Variants in KMT2C observed in about 807,000 individuals in gnomAD.
KMT2C encodes the protein lysine methyltransferase 2C.
KMT2C carries 88 observed loss-of-function variants against 507.9 expected under a neutral mutation model. That is an observed-to-expected ratio of 0.17 (90% CI 0.15 to 0.21). The LOEUF (loss-of-function observed/expected upper bound fraction) is 0.21. Among genes scored for constraint, KMT2C ranks in the 10% least tolerant of loss-of-function variants. The pLI, the probability that KMT2C is intolerant of heterozygous loss-of-function variation, is 1.00. For synonymous variants in KMT2C, 2,049 were observed against 2,080.8 expected (o/e 0.98, Z 0.42); for missense variants, 4,954 against 5,957.8 (o/e 0.83, Z 5.55).
At chr7:152,418,422 G>T (rs2097758776) in intron 1 of KMT2C, among the ~76,000 whole-genome samples, 1 of 151,870 alleles carries the variant, frequency 6.6e-6, no homozygotes, top group African/African-American at 2.4e-5. Flanking sequence ...ATTATAGTGT[G>T]GTTACTCAGT....
At chr7:152,186,616 G>T (rs549941338) in intron 33 of KMT2C, among the ~76,000 whole-genome samples, 1 of 152,240 alleles carries the variant, frequency 6.6e-6, no homozygotes, top group South Asian at 2.1e-4. Flanking sequence ...TTAAGAGTTT[G>T]TGTATTGATA....
intron 1 of KMT2C, among the ~76,000 whole-genome samples, chr7:152,404,375 C>T (rs2097593218): frequency 9.4e-5 from 14 of 149,340 alleles, no homozygotes; most frequent in African/African-American, 3.4e-4. Flanking sequence ...TGGCTGACGC[C>T]TGTAATCACA....
intron 1 of KMT2C, among the ~76,000 whole-genome samples, chr7:152,395,340 C>G (rs1589710325): frequency 6.6e-6 from 1 of 151,834 alleles, no homozygotes; most frequent in Middle Eastern, 3.4e-3. Flanking sequence ...CGTGGCCGCA[C>G]ACCTGGCTTT....
At chr7:152,398,165 T>C (rs1451425042) in intron 1 of KMT2C, among the ~76,000 whole-genome samples, 3 of 152,196 alleles carry the variant, frequency 2.0e-5, no homozygotes, top group African/African-American at 4.8e-5. Context: ...TTGAGACTAA[T>C]TACGAGAAAT....
chr7:152,192,770 G>T (rs763689424), intron 31 of KMT2C, among the ~76,000 whole-genome samples: 4 of 152,142 alleles, frequency 2.6e-5, no homozygotes, highest in Non-Finnish European at 5.9e-5. Flanking sequence ...CACACACTTT[G>T]GCACTTACAC....
At position 152,176,844 on chromosome 7, in the gene KMT2C, A is replaced by G. The variant is rs1242942237; in HGVS notation, c.8609T>C (p.Leu2870Ser). The stretch of plus-strand genomic sequence containing the variant: ...AAATAGATCTGGATCACAAGGATGC[A>G]AAGAAGTCTTTTCTCCATCATTTAG... ...SDLNDGEKTSLHPCDPDLFEK... is the reference protein window; with the variant it reads ...SDLNDGEKTSSHPCDPDLFEK... Residue 2870 changes from leucine (L) to serine (S), a missense_variant, in exon 38 of 59, where the codon TTG becomes TCG. This residue lies in a region of KMT2C where 1,689 missense variants were observed against 1,654.3 expected (regional missense o/e 1.02). Coordinates refer to ENST00000262189, the MANE Select transcript of KMT2C (RefSeq NM_170606.3). 6.2e-7 allele frequency: 1 copy of G among 1,614,258 alleles called. No individual in the cohort carries two copies. Among genetic ancestry groups the G allele is most frequent in the Admixed American group, 1.7e-5 (1 of 60,032 alleles).
rs1183168245 is a variant in KMT2C at position 152,144,563 on chromosome 7, T to TACC, written c.14343+147_14343+149dup. The TACC allele has an allele frequency of 1.3e-6, 1 of 753,478 alleles. No individual in the cohort carries two copies. Among genetic ancestry groups the TACC allele is most frequent in the Non-Finnish European group, 2.2e-6 (1 of 463,544 alleles). The allele number at this position is 753,478 out of a possible 1,614,324, so 46.7% of individuals were successfully genotyped here. ...AGACTACATATTAAATCCCTAGTGTTACCAAGGGACAGGATTTGATACGAT... is the reference window on the plus strand; with the variant it reads ...AGACTACATATTAAATCCCTAGTGTTACCACCAAGGGACAGGATTTGATACGAT... On this transcript the variant is annotated intron_variant, in intron 55 of 58. Coordinates refer to ENST00000262189, the MANE Select transcript of KMT2C (RefSeq NM_170606.3). This position sits in a 1 kb window ranked among gnomAD's most constrained non-coding sequence, Gnocchi z 4.4.
At chr7:152,270,005 T>C (rs1424410354) in intron 7 of KMT2C, among the ~76,000 whole-genome samples, 1 of 152,204 alleles carries the variant, frequency 6.6e-6, no homozygotes, top group East Asian at 1.9e-4. Context: ...AATAAAAGCA[T>C]TGGTGAACAG....
intron 51 of KMT2C, among the ~76,000 whole-genome samples, chr7:152,150,595 C>A (rs545156685): frequency 6.6e-6 from 1 of 152,084 alleles, no homozygotes; most frequent in Admixed American, 6.5e-5. Flanking sequence ...GCCTGTGGGA[C>A]CAGAATGAGA....
intron 1 of KMT2C, among the ~76,000 whole-genome samples, chr7:152,433,926 GATCTA>G (rs1412617994): frequency 6.6e-6 from 1 of 152,270 alleles, no homozygotes; most frequent in Non-Finnish European, 1.5e-5. Context: ...TGACAACATA[GATCTA>G]ATCTTTCTGG....
intron 6 of KMT2C, among the ~76,000 whole-genome samples, chr7:152,302,943 CAAGA>C: frequency 6.6e-6 from 1 of 152,126 alleles, no homozygotes; most frequent in African/African-American, 2.4e-5. Flanking sequence ...CGCGCCTGGC[CAAGA>C]AAGGAACTTT....
rs528058872 is a variant in KMT2C at position 152,386,826 on chromosome 7, T to C, written c.162-28151A>G. The stretch of plus-strand genomic sequence containing the variant: ...GGAAACTGAAGTATAAAGAAAGTCA[T>C]GGTCAATTACTCAATGGTAGATCCA... On this transcript the variant is annotated intron_variant, in intron 1 of 58. Coordinates refer to ENST00000262189, the MANE Select transcript of KMT2C (RefSeq NM_170606.3). Among the ~76,000 whole-genome samples the C allele has an allele frequency of 1.8e-4, 28 of 152,274 alleles. No individual in the cohort carries two copies. In the South Asian group the frequency reaches 3.5e-3, roughly 19 times the overall value.
intron 2 of KMT2C, among the ~76,000 whole-genome samples, chr7:152,338,761 C>T (rs144331078): frequency 5.8e-4 from 88 of 152,252 alleles, no homozygotes; most frequent in Middle Eastern, 6.8e-3. Context: ...CTACTTCCAC[C>T]GCCTGGCAGA....
At position 152,288,496 on chromosome 7, in the gene KMT2C, T is replaced by G. The variant is rs554410262; in HGVS notation, c.850-14629A>C. ...TGCAGTGAGCTGAGATCGTACCACT[T>G]CACTCCAGCCTGGGCAAAAGAGCAA... On this transcript the variant is annotated intron_variant, in intron 6 of 58. Transcript: ENST00000262189. Among the ~76,000 whole-genome samples the G allele has an allele frequency of 1.3e-5, 2 of 151,950 alleles. 1 individual carries two copies. Among genetic ancestry groups the G allele is most frequent in the South Asian group, 4.2e-4 (2 of 4,812 alleles).
At chr7:152,207,258 C>G (rs34221833) in intron 24 of KMT2C, 42 bp downstream of exon 24, 17 of 1,239,492 alleles carry the variant, frequency 1.4e-5, no homozygotes, top group South Asian at 2.9e-5. Flanking sequence ...TTTAATTAAC[C>G]AAGTGTTGAT....
Position 152,135,934 on chromosome 7 carries a change from G to A in KMT2C, c.*898C>T, listed in dbSNP as rs1379644218. On this transcript the variant is annotated 3_prime_UTR_variant, in exon 59 of 59. Coordinates refer to ENST00000262189, the MANE Select transcript of KMT2C (RefSeq NM_170606.3). ...ATTTTGGTTATTACATAATTATAAT[G>A]GCATATTTTATAACACAAAATTATA... 1 of 229,420 alleles carries A rather than the reference G, an allele frequency of 4.4e-6. No homozygotes were observed. The highest frequency in any genetic ancestry group is 8.6e-6 in the Non-Finnish European group (1 of 115,676). 14.2% of individuals were successfully genotyped at this position (229,420 alleles called of 1,614,324 possible).
chr7:152,334,827 A>G (rs1188480163), intron 2 of KMT2C, among the ~76,000 whole-genome samples: 1 of 152,226 alleles, frequency 6.6e-6, no homozygotes, highest in African/African-American at 2.4e-5. Flanking sequence ...TCATCAGCCT[A>G]TACCTCTCCA....
rs1401875606 is a variant in KMT2C, at chr7:152,135,060, AAAC to A, written c.*1769_*1771del. The stretch of plus-strand genomic sequence containing the variant: ...ATTAGATACTATTATACAGAACAGA[AAAC>A]AACAAAAACCCGGTAGGACAAATAC... On this transcript the variant is annotated 3_prime_UTR_variant, in exon 59 of 59. Coordinates refer to ENST00000262189, the MANE Select transcript of KMT2C (RefSeq NM_170606.3). 4.4e-6 allele frequency: 1 copy of A among 229,284 alleles called. No individual in the cohort carries two copies. Among genetic ancestry groups the A allele is most frequent in the Non-Finnish European group, 8.7e-6 (1 of 115,384 alleles). 14.2% of individuals were successfully genotyped at this position (229,284 alleles called of 1,614,324 possible).
intron 1 of KMT2C, chr7:152,367,235 A>G (rs2097254748): frequency 6.9e-6 from 10 of 1,457,054 alleles, no homozygotes; most frequent in Non-Finnish European, 8.5e-6. Flanking sequence ...TTTGATGTTG[A>G]CAGCACGGTC....
Sources: allele counts gnomAD v4.1 joint callset (sites outside exome capture counted in the v4.1 genomes callset), GRCh38; gene constraint gnomAD v4.1.1; regional missense constraint gnomAD v4.1.1; non-coding constraint Gnocchi (gnomAD v3.1); transcripts MANE v1.5; gene names NCBI Gene and HGNC (gene_info 2026-07-23, HGNC 2026-07-21).